CPNE4: variants seen among roughly 807,000 people sequenced by gnomAD.
CPNE4 encodes copine 4, also known as copine-4.
A neutral mutation model predicts 67.9 loss-of-function variants in CPNE4; 25 were observed. The observed-to-expected ratio is 0.37, with a 90% CI of 0.27 to 0.51. The LOEUF (loss-of-function observed/expected upper bound fraction) is 0.51, where lower values mean the gene tolerates loss of function less well. Among genes scored for constraint, CPNE4 ranks in the 20% least tolerant of loss-of-function variants. The probability of loss-of-function intolerance (pLI) is 0.93; values close to 1 mark genes in which losing one functional copy is unlikely to be tolerated. For missense variants in CPNE4, 464 were observed against 690.8 expected (o/e 0.67, Z 3.68); for synonymous variants, 242 against 244.9 (o/e 0.99, Z 0.11).
chr3:131,558,915 G>A (rs1936609313), intron 11 of CPNE4, among the ~76,000 whole-genome samples: 1 of 151,700 alleles, frequency 6.6e-6, no homozygotes, highest in Admixed American at 6.6e-5. Context: ...GTTTTTTGCT[G>A]AAATTGATAT....
chr3:132,008,839 C>T (rs1017203721), intron 1 of CPNE4, among the ~76,000 whole-genome samples: 3 of 152,034 alleles, frequency 2.0e-5, no homozygotes, highest in Non-Finnish European at 4.4e-5. Flanking sequence ...ATGTCTCACT[C>T]TAAGCATTAT....
At chr3:131,636,503 A>G (rs1186738280) in intron 7 of CPNE4, among the ~76,000 whole-genome samples, 1 of 152,074 alleles carries the variant, frequency 6.6e-6, no homozygotes, top group Admixed American at 6.5e-5. Context: ...GCCCAAAGAG[A>G]GGCTGAGCTC....
At chr3:131,596,165 T>C (rs190579998) in intron 7 of CPNE4, among the ~76,000 whole-genome samples, 6 of 150,354 alleles carry the variant, frequency 4.0e-5, no homozygotes, top group African/African-American at 1.5e-4. Context: ...AACAAACAAA[T>C]AAATAAGTAA....
intron 14 of CPNE4, among the ~76,000 whole-genome samples, chr3:131,547,478 A>G (rs1317184072): frequency 7.2e-6 from 1 of 138,144 alleles, no homozygotes; most frequent in African/African-American, 2.9e-5. Flanking sequence ...AAAAAAAAAA[A>G]AAAAAAAAAA....
intron 2 of CPNE4, among the ~76,000 whole-genome samples, chr3:131,861,335 T>C (rs2086668959): frequency 6.6e-6 from 1 of 152,164 alleles, no homozygotes; most frequent in African/African-American, 2.4e-5. Flanking sequence ...GATTTGAACT[T>C]GCAAAATTCC....
chr3:131,555,441 C>T lies in CPNE4; in HGVS notation c.1116+56G>A. 3 of 1,506,870 alleles carry T rather than the reference C, an allele frequency of 2.0e-6. No homozygotes were observed. The East Asian group carries it at 6.8e-5, about 34-fold the overall frequency. 93.3% of individuals were successfully genotyped at this position (1,506,870 alleles called of 1,614,324 possible). A position where few individuals can be genotyped will look rare whatever the true frequency, so the allele number is the denominator to read the frequency against. On this transcript the variant is annotated intron_variant, in intron 12 of 15. Coordinates refer to ENST00000429747, the MANE Select transcript of CPNE4 (RefSeq NM_130808.3). Reference sequence around the variant, plus strand: ...GTGTGAGACTGCTGCAAAGAAGAGCCAAGTTATCCTTTGACCACAGTGAAG... The same window carrying T: ...GTGTGAGACTGCTGCAAAGAAGAGCTAAGTTATCCTTTGACCACAGTGAAG...
At chr3:131,792,704 C>CGTGTATATATGTATATAT (rs1560322982) in intron 2 of CPNE4, among the ~76,000 whole-genome samples, 2 of 71,894 alleles carry the variant, frequency 2.8e-5, no homozygotes, top group East Asian at 4.4e-4. Flanking sequence ...TACATATACA[C>CGTGTATATATGTATATAT]ACACGTGTAT....
intron 1 of CPNE4, among the ~76,000 whole-genome samples, chr3:132,028,310 C>A (rs1374376927): frequency 6.6e-6 from 1 of 152,186 alleles, no homozygotes; most frequent in East Asian, 1.9e-4. Flanking sequence ...CAAATATCTC[C>A]TTCTTTATCT....
At chr3:131,756,819 G>A (rs1430476258) in intron 2 of CPNE4, among the ~76,000 whole-genome samples, 1 of 152,200 alleles carries the variant, frequency 6.6e-6, no homozygotes, top group Non-Finnish European at 1.5e-5. Context: ...TGTGATGGAA[G>A]GGACCCAGGG....
At chr3:131,550,465 G>T (rs1274404956) in intron 13 of CPNE4, among the ~76,000 whole-genome samples, 2 of 152,064 alleles carry the variant, frequency 1.3e-5, no homozygotes, top group African/African-American at 2.4e-5. Flanking sequence ...CAAGACTCAG[G>T]ATTTAAACTT....
chr3:131,823,954 T>C (rs1000509306), intron 2 of CPNE4, among the ~76,000 whole-genome samples: 2 of 152,210 alleles, frequency 1.3e-5, no homozygotes, highest in Middle Eastern at 3.2e-3. Flanking sequence ...GAGATTACAA[T>C]GAATTCTTGT....
intron 1 of CPNE4, among the ~76,000 whole-genome samples, chr3:131,909,116 C>T (rs908824038): frequency 6.6e-6 from 1 of 152,120 alleles, no homozygotes; most frequent in Admixed American, 6.6e-5. Flanking sequence ...GCATACTACC[C>T]TCCATCTAAG....
At chr3:131,712,839 A>G (rs141685900) in intron 3 of CPNE4, among the ~76,000 whole-genome samples, 12 of 152,384 alleles carry the variant, frequency 7.9e-5, no homozygotes, top group African/African-American at 2.6e-4. Context: ...AATGATTGGA[A>G]GAGTATGTGT....
intron 1 of CPNE4, among the ~76,000 whole-genome samples, chr3:131,950,727 A>G (rs938976252): frequency 6.6e-6 from 1 of 152,194 alleles, no homozygotes; most frequent in Non-Finnish European, 1.5e-5. Flanking sequence ...GCCATCATCA[A>G]TTTTGCTAGA....
chr3:131,897,923 T>C (rs1389191778), intron 2 of CPNE4, among the ~76,000 whole-genome samples: 1 of 151,332 alleles, frequency 6.6e-6, no homozygotes, highest in African/African-American at 2.4e-5. Context: ...ATGGAAAAAA[T>C]AAAATAAAAT....
At chr3:131,789,224 G>A (rs191665717) in intron 2 of CPNE4, among the ~76,000 whole-genome samples, 299 of 152,222 alleles carry the variant, frequency 2.0e-3, no homozygotes, top group South Asian at 5.0e-3. Flanking sequence ...TTGCTCTAGA[G>A]TATAGTAAAT....
chr3:131,783,468 T>C (rs774740916), intron 2 of CPNE4, among the ~76,000 whole-genome samples: 1 of 152,130 alleles, frequency 6.6e-6, no homozygotes, highest in African/African-American at 2.4e-5. Context: ...TAGGTTAAAG[T>C]AGAGCTTTTT....
At chr3:131,679,557 G>A (rs575436829) in intron 6 of CPNE4, among the ~76,000 whole-genome samples, 1 of 152,018 alleles carries the variant, frequency 6.6e-6, no homozygotes, top group South Asian at 2.1e-4. Flanking sequence ...TTTTTGATTG[G>A]GCATTTTAGT....
intron 2 of CPNE4, among the ~76,000 whole-genome samples, chr3:131,888,973 G>A (rs572506379): frequency 2.0e-5 from 3 of 152,066 alleles, no homozygotes; most frequent in African/African-American, 4.8e-5. Context: ...AACATACCTC[G>A]ACATAAGTAT....
Sources: allele counts gnomAD v4.1 joint callset (sites outside exome capture counted in the v4.1 genomes callset), GRCh38; gene constraint gnomAD v4.1.1; transcripts MANE v1.5; gene names NCBI Gene and HGNC (gene_info 2026-07-23, HGNC 2026-07-21).